CNTN3: variants seen among roughly 807,000 people sequenced by gnomAD.
CNTN3 encodes the protein contactin-3.
In CNTN3, 60 loss-of-function variants were observed where a neutral mutation model predicts 119.1. The observed-to-expected ratio is 0.50, with a 90% CI of 0.41 to 0.62. CNTN3 has a LOEUF of 0.62. CNTN3 is among the 20% of genes least tolerant of loss of function. The pLI, the probability that CNTN3 is intolerant of heterozygous loss-of-function variation, is 0.00. For synonymous variants in CNTN3, 450 were observed against 438.7 expected, an observed-to-expected ratio of 1.03 and a Z score of -0.32; for missense variants, 1,101 against 1,242.4, an observed-to-expected ratio of 0.89 and a Z score of 1.71.
chr3:74,452,069 G>A (rs1489202001), intron 4 of CNTN3, among the ~76,000 whole-genome samples: 4 of 147,710 alleles, frequency 2.7e-5, no homozygotes, highest in East Asian at 2.0e-4. Context: ...TTGGTAGCTC[G>A]ATGGGGATGG....
chr3:74,274,771 T>C (rs1391250565), intron 20 of CNTN3, among the ~76,000 whole-genome samples: 4 of 152,034 alleles, frequency 2.6e-5, no homozygotes, highest in Non-Finnish European at 5.9e-5. Context: ...AAAATCATAC[T>C]AGCTCACCAG....
intron 20 of CNTN3, among the ~76,000 whole-genome samples, chr3:74,271,513 G>A (rs1701775071): frequency 6.6e-6 from 1 of 152,178 alleles, no homozygotes; most frequent in African/African-American, 2.4e-5. Flanking sequence ...CAATGGTGAT[G>A]TCTCATAGTG....
intron 21 of CNTN3, 149 bp downstream of exon 21, chr3:74,267,117 T>A: frequency 1.7e-6 from 1 of 574,084 alleles, no homozygotes; most frequent in Non-Finnish European, 3.1e-6. Context: ...TTTTGAAAAA[T>A]TACCCATTTT....
chr3:74,472,165 A>T (rs986887656), intron 4 of CNTN3, among the ~76,000 whole-genome samples: 1 of 152,162 alleles, frequency 6.6e-6, no homozygotes, highest in African/African-American at 2.4e-5. Context: ...TTCCAAATTC[A>T]ACTCAACCTC....
At chr3:74,288,739 G>A (rs1702168872) in intron 19 of CNTN3, among the ~76,000 whole-genome samples, 1 of 152,270 alleles carries the variant, frequency 6.6e-6, no homozygotes, top group East Asian at 1.9e-4. Context: ...ATGGACTGTA[G>A]ATACTGCACT....
chr3:74,569,456 C>A (rs1415502860), intron 1 of CNTN3, among the ~76,000 whole-genome samples: 1 of 152,120 alleles, frequency 6.6e-6, no homozygotes, highest in Non-Finnish European at 1.5e-5. Flanking sequence ...CTTACTGTCT[C>A]GCGTTATAAA....
intron 4 of CNTN3, among the ~76,000 whole-genome samples, chr3:74,462,942 C>T (rs1702398657): frequency 6.6e-6 from 1 of 152,138 alleles, no homozygotes; most frequent in African/African-American, 2.4e-5. Flanking sequence ...CTACTCTGTG[C>T]TTCCACAATT....
intron 2 of CNTN3, among the ~76,000 whole-genome samples, chr3:74,513,156 G>T (rs7374833): frequency 0.92 from 139,571 of 152,080 alleles, 64,266 homozygotes; most frequent in East Asian, 0.98. Context: ...AATCAAAAAA[G>T]TTTTCAGAAC....
intron 1 of CNTN3, among the ~76,000 whole-genome samples, chr3:74,610,654 TA>T (rs144386416): frequency 1.8e-4 from 26 of 147,014 alleles, no homozygotes; most frequent in East Asian, 4.0e-4. Context: ...TAACTTACAT[TA>T]AAAAAAAAAG....
At chr3:74,471,222 A>C (rs998028633) in intron 4 of CNTN3, among the ~76,000 whole-genome samples, 2 of 152,118 alleles carry the variant, frequency 1.3e-5, no homozygotes, top group African/African-American at 4.8e-5. Context: ...GAGAGATAAC[A>C]TTAGGAGAAA....
chr3:74,267,245 A>T, intron 21 of CNTN3, 21 bp downstream of exon 21: 1 of 1,524,444 alleles, frequency 6.6e-7, no homozygotes, highest in South Asian at 1.1e-5. Context: ...AAAATGAAGC[A>T]TTGCAAATGA....
intron 10 of CNTN3, among the ~76,000 whole-genome samples, chr3:74,363,948 C>T (rs1028771388): frequency 2.0e-5 from 3 of 152,010 alleles, no homozygotes; most frequent in Non-Finnish European, 4.4e-5. Flanking sequence ...CATGATAGAA[C>T]ATCTTCTTTT....
intron 4 of CNTN3, 113 bp downstream of exon 4, chr3:74,486,343 A>T: frequency 1.1e-6 from 1 of 915,338 alleles, no homozygotes; most frequent in Non-Finnish European, 1.6e-6. Flanking sequence ...TTCTCAGTCT[A>T]TTTACTGAAT....
chr3:74,547,756 C>G (rs1703935473), intron 1 of CNTN3, among the ~76,000 whole-genome samples: 1 of 152,088 alleles, frequency 6.6e-6, no homozygotes, highest in Non-Finnish European at 1.5e-5. Context: ...TTTTCCTTAA[C>G]ATAATTTCCA....
At chr3:74,484,162 G>T (rs1339440520) in intron 4 of CNTN3, among the ~76,000 whole-genome samples, 4 of 152,124 alleles carry the variant, frequency 2.6e-5, no homozygotes, top group Non-Finnish European at 4.4e-5. Flanking sequence ...TCTTCACAGG[G>T]CAAAGACTGC....
At chr3:74,307,761 T>C (rs1390599930) in intron 13 of CNTN3, among the ~76,000 whole-genome samples, 2 of 152,218 alleles carry the variant, frequency 1.3e-5, no homozygotes, top group African/African-American at 2.4e-5. Flanking sequence ...GGGAACCTCT[T>C]GAACCTTGCA....
At chr3:74,365,841 A>G in intron 8 of CNTN3, 139 bp from the exon 9 acceptor site, 1 of 969,766 alleles carries the variant, frequency 1.0e-6, no homozygotes, top group Non-Finnish European at 1.5e-6. Flanking sequence ...AACAGAGGCT[A>G]GAATTATATT....
At chr3:74,325,655 T>C (rs563190794) in intron 13 of CNTN3, among the ~76,000 whole-genome samples, 7 of 152,164 alleles carry the variant, frequency 4.6e-5, no homozygotes, top group Non-Finnish European at 1.0e-4. Flanking sequence ...GCAGTAGTAA[T>C]GACCCAAAAG....
chr3:74,523,750 C>T (rs1005968489), intron 1 of CNTN3, among the ~76,000 whole-genome samples: 1 of 151,698 alleles, frequency 6.6e-6, no homozygotes, highest in Non-Finnish European at 1.5e-5. Context: ...GAAGCTCTGC[C>T]CTATGTCATT....
Sources: allele counts gnomAD v4.1 joint callset (sites outside exome capture counted in the v4.1 genomes callset), GRCh38; gene constraint gnomAD v4.1.1; transcripts MANE v1.5; gene names NCBI Gene and HGNC (gene_info 2026-07-23, HGNC 2026-07-21).